The following RNF220 variants were observed in gnomAD, a reference collection of about 807,000 sequenced individuals.
RNF220 encodes ring finger protein 220, also known as E3 ubiquitin-protein ligase RNF220.
RNF220 carries 7 observed loss-of-function variants against 67.1 expected under a neutral mutation model. The observed-to-expected ratio is 0.10, with a 90% confidence interval of 0.06 to 0.20. The LOEUF (loss-of-function observed/expected upper bound fraction) is 0.20. RNF220 is among the 10% of genes least tolerant of loss of function. The probability of loss-of-function intolerance (pLI) is 1.00; values close to 1 mark genes in which losing one functional copy is unlikely to be tolerated. For synonymous variants in RNF220, 270 were observed against 283.2 expected (o/e 0.95, Z 0.47); for missense variants, 565 against 740.3 (o/e 0.76, Z 2.75).
chr1:44,539,515 C>A (rs1327810586), intron 2 of RNF220, among the ~76,000 whole-genome samples: 3 of 152,164 alleles, frequency 2.0e-5, no homozygotes. Flanking sequence ...AGCCCACCGT[C>A]AAGGAGCTCA....
At chr1:44,595,371 C>T (rs1299054434) in intron 2 of RNF220, among the ~76,000 whole-genome samples, 2 of 152,186 alleles carry the variant, frequency 1.3e-5, no homozygotes, top group Non-Finnish European at 2.9e-5. Context: ...GCCCTGTGGT[C>T]CATCTGGCCC....
chr1:44,468,767 ATTAGCC>A (rs1654507737), intron 2 of RNF220, among the ~76,000 whole-genome samples: 1 of 152,118 alleles, frequency 6.6e-6, no homozygotes, highest in Non-Finnish European at 1.5e-5. Flanking sequence ...ATACAAAAAA[ATTAGCC>A]GGGCATGGTG....
intron 2 of RNF220, among the ~76,000 whole-genome samples, chr1:44,591,087 G>A (rs998201386): frequency 2.0e-5 from 3 of 152,088 alleles, no homozygotes; most frequent in Non-Finnish European, 2.9e-5. Flanking sequence ...TCAGCCTCCC[G>A]AGTAACTGGG....
At chr1:44,496,119 G>A (rs543746174) in intron 2 of RNF220, among the ~76,000 whole-genome samples, 6 of 152,192 alleles carry the variant, frequency 3.9e-5, no homozygotes, top group African/African-American at 7.2e-5. Context: ...GCAAAGTGGA[G>A]AATAAAGAGT....
At chr1:44,505,798 G>A (rs1160343206) in intron 2 of RNF220, among the ~76,000 whole-genome samples, 2 of 152,156 alleles carry the variant, frequency 1.3e-5, no homozygotes, top group Non-Finnish European at 2.9e-5. Flanking sequence ...TTGAAGGGCT[G>A]AGCATGAACA....
At chr1:44,576,404 C>T (rs544018595) in intron 2 of RNF220, among the ~76,000 whole-genome samples, 360 of 152,262 alleles carry the variant, frequency 2.4e-3, no homozygotes, top group Non-Finnish European at 4.1e-3. Flanking sequence ...CTCCTAAGGG[C>T]AGAAGTTTGG....
chr1:44,628,251 A>C (rs887867978), intron 5 of RNF220, among the ~76,000 whole-genome samples: 1 of 152,234 alleles, frequency 6.6e-6, no homozygotes, highest in African/African-American at 2.4e-5. Flanking sequence ...TCAACTAGGA[A>C]AGAGTAACCA....
At chr1:44,589,237 A>G (rs1427322746) in intron 2 of RNF220, among the ~76,000 whole-genome samples, 1 of 152,024 alleles carries the variant, frequency 6.6e-6, no homozygotes, top group Non-Finnish European at 1.5e-5. Context: ...CCAACCCTCC[A>G]TTTCCCAGCT....
intron 2 of RNF220, among the ~76,000 whole-genome samples, chr1:44,488,575 G>A (rs1018521260): frequency 3.3e-5 from 5 of 152,062 alleles, no homozygotes; most frequent in Non-Finnish European, 7.4e-5. Flanking sequence ...TCAGCTTCCC[G>A]AAGTGCTGAG....
At chr1:44,545,363 AT>A (rs1449472883) in intron 2 of RNF220, 1 of 154,196 alleles carries the variant, frequency 6.5e-6, no homozygotes, top group Middle Eastern at 5.1e-4. Flanking sequence ...TTTCATGCTG[AT>A]TCCATGCCAT....
chr1:44,541,747 A>G (rs1661692348), intron 2 of RNF220, among the ~76,000 whole-genome samples: 1 of 152,216 alleles, frequency 6.6e-6, no homozygotes, highest in Non-Finnish European at 1.5e-5. Flanking sequence ...GACAGCCACA[A>G]GTCCTTTGCA....
chr1:44,434,693 G>A (rs1650769145), intron 2 of RNF220, among the ~76,000 whole-genome samples: 1 of 149,610 alleles, frequency 6.7e-6, no homozygotes, highest in Non-Finnish European at 1.5e-5. Flanking sequence ...CTCCAGCCTG[G>A]GCGACAGAGC....
intron 2 of RNF220, among the ~76,000 whole-genome samples, chr1:44,458,886 C>T (rs1020602463): frequency 2.6e-5 from 4 of 152,190 alleles, no homozygotes; most frequent in Non-Finnish European, 2.9e-5. Context: ...GAACATATTA[C>T]AGCTGGAATG....
intron 8 of RNF220, among the ~76,000 whole-genome samples, chr1:44,636,965 C>G (rs1331615773): frequency 1.3e-5 from 2 of 152,280 alleles, no homozygotes; most frequent in Admixed American, 6.5e-5. Flanking sequence ...GGGGAGCTGT[C>G]TGCCTCTTGG....
intron 4 of RNF220, among the ~76,000 whole-genome samples, chr1:44,623,455 C>T (rs1429110151): frequency 2.0e-5 from 3 of 152,222 alleles, no homozygotes; most frequent in African/African-American, 4.8e-5. Flanking sequence ...TGGCCATGGA[C>T]ACAGTGGGTA....
chr1:44,617,073 C>T lies in RNF220; in HGVS notation c.758+2776C>T, dbSNP rs556414861. Among the ~76,000 whole-genome samples the T allele has an allele frequency of 9.2e-5, 14 of 152,358 alleles. No individual in the cohort carries two copies. The East Asian group carries it at 2.1e-3, about 23-fold the overall frequency. On this transcript the variant is annotated intron_variant, in intron 3 of 14. Coordinates refer to ENST00000361799, the MANE Select transcript of RNF220 (RefSeq NM_018150.4). The stretch of plus-strand genomic sequence containing the variant: ...CCCTGCATCTGTACCCCTCACGTCG[C>T]GGCCCAGCCCAGCACCCCTACGCCC...
intron 2 of RNF220, among the ~76,000 whole-genome samples, chr1:44,416,692 G>A (rs1648576922): frequency 6.6e-6 from 1 of 152,236 alleles, no homozygotes; most frequent in Non-Finnish European, 1.5e-5. Flanking sequence ...CCCAGGGATG[G>A]ACCCTGGGCA....
At chr1:44,483,008 G>A (rs1655973059) in intron 2 of RNF220, among the ~76,000 whole-genome samples, 1 of 135,910 alleles carries the variant, frequency 7.4e-6, no homozygotes, top group Admixed American at 8.6e-5. Context: ...GTGGCTTACT[G>A]CAGCCTCAAA....
intron 2 of RNF220, among the ~76,000 whole-genome samples, chr1:44,504,033 T>A (rs1658186200): frequency 6.6e-6 from 1 of 152,086 alleles, no homozygotes; most frequent in Non-Finnish European, 1.5e-5. Flanking sequence ...TTATTTTTAG[T>A]AGAGATGGGT....
Sources: allele counts gnomAD v4.1 joint callset (sites outside exome capture counted in the v4.1 genomes callset), GRCh38; gene constraint gnomAD v4.1.1; transcripts MANE v1.5; gene names NCBI Gene and HGNC (gene_info 2026-07-23, HGNC 2026-07-21).